Variants in CGNL1 observed in about 807,000 individuals in gnomAD.
The protein encoded by CGNL1 is cingulin like 1.
A neutral mutation model predicts 141.2 loss-of-function variants in CGNL1; 132 were observed. The observed-to-expected ratio is 0.93, with a 90% CI of 0.81 to 1.08. The LOEUF is 1.08. Ranked by LOEUF, CGNL1 falls within the 50% of genes least tolerant of loss-of-function variation. The probability of loss-of-function intolerance (pLI) is 0.00; values close to 1 mark genes in which losing one functional copy is unlikely to be tolerated. For missense variants in CGNL1, 1,870 were observed against 1,588.6 expected, an observed-to-expected ratio of 1.18 and a Z score of -3.01; for synonymous variants, 690 against 622.1, an observed-to-expected ratio of 1.11 and a Z score of -1.63.
chr15:57,417,825 C>G lies in CGNL1; in HGVS notation c.-15-20160C>G, dbSNP rs570938466. Among the ~76,000 whole-genome samples the G allele has an allele frequency of 3.9e-5, 6 of 152,236 alleles. 1 individual carries two copies. Among genetic ancestry groups the G allele is most frequent in the African/African-American group, 1.2e-4 (5 of 41,538 alleles). On this transcript the variant is annotated intron_variant, in intron 1 of 18. Transcript: ENST00000281282. The stretch of plus-strand genomic sequence containing the variant: ...CAAAAATCATCTAAATGTGAAAATA[C>G]AGCTGCTGTGAAGGAGAGGTGATGG...
At chr15:57,516,754 G>T (rs2030834023) in intron 8 of CGNL1, 26 bp from the exon 9 acceptor site, 2 of 1,610,580 alleles carry the variant, frequency 1.2e-6, no homozygotes, top group Non-Finnish European at 1.7e-6. Context: ...CAGTCTCCTT[G>T]TTCATTTGCT....
intron 10 of CGNL1, among the ~76,000 whole-genome samples, chr15:57,522,647 G>A (rs530272766): frequency 1.3e-5 from 2 of 152,256 alleles, no homozygotes; most frequent in African/African-American, 4.8e-5. Flanking sequence ...ATTTAAAGAA[G>A]CCACCATAAC....
rs532292377 is a variant in CGNL1, at chr15:57,490,824, G to A, written c.2404-25956G>A. Reference sequence around the variant, plus strand: ...TACGTCAGCCACGTGATCAATTTCAGCATCAATCACATTGATAGTATCTAC... The same window carrying A: ...TACGTCAGCCACGTGATCAATTTCAACATCAATCACATTGATAGTATCTAC... On this transcript the variant is annotated intron_variant, in intron 8 of 18. Transcript: ENST00000281282. Among the ~76,000 whole-genome samples, 43 of 152,242 alleles carry A rather than the reference G, an allele frequency of 2.8e-4. No individual in the cohort carries two copies. In the South Asian group the frequency reaches 4.8e-3, roughly 17 times the overall value.
chr15:57,439,904 A>C (rs2063163705), intron 2 of CGNL1, among the ~76,000 whole-genome samples: 1 of 152,204 alleles, frequency 6.6e-6, no homozygotes, highest in Non-Finnish European at 1.5e-5. Flanking sequence ...ATCTGAAAGT[A>C]TGCAGAATTT....
intron 1 of CGNL1, 117 bp from the exon 2 acceptor site, chr15:57,437,868 A>T: frequency 9.6e-7 from 1 of 1,036,662 alleles, no homozygotes; most frequent in Non-Finnish European, 1.4e-6. Context: ...TTTGCTGTTT[A>T]AAATGTCTTG....
At chr15:57,421,472 C>T (rs1424171922) in intron 1 of CGNL1, among the ~76,000 whole-genome samples, 7 of 152,000 alleles carry the variant, frequency 4.6e-5, no homozygotes, top group African/African-American at 1.4e-4. Context: ...GAGATCTGTT[C>T]AGGTAATGTT....
intron 14 of CGNL1, among the ~76,000 whole-genome samples, chr15:57,533,456 C>A (rs768500519): frequency 1.3e-5 from 2 of 152,188 alleles, no homozygotes; most frequent in African/African-American, 4.8e-5. Context: ...GACGTTCCCC[C>A]CAGACATGTC....
chr15:57,461,815 C>T lies in CGNL1; in HGVS notation c.2326C>T (p.Gln776Ter), dbSNP rs2063450693. 1.9e-6 allele frequency: 3 copies of T among 1,613,948 alleles called. No individual in the cohort carries two copies. The highest frequency in any genetic ancestry group is 2.5e-6 in the Non-Finnish European group (3 of 1,180,014). The part of the protein sequence containing the change: ...ALKEEVSSHD[Q>*]EMDKLKEQYD... ...GAAAGAAGAGGTTTCCAGCCATGAT[C>T]AGGAGATGGACAAGCTGAAGGAGCA... The change falls in exon 8 of 19, where the codon CAG (glutamine) becomes TAG (stop). Residue 776 changes from glutamine (Q) to a stop codon, truncating the protein, a stop_gained. Transcript: ENST00000281282. LOFTEE classifies it high-confidence loss of function.
At position 57,481,064 on chromosome 15, in the gene CGNL1, G is replaced by GTTTTTTTTTT. The variant is rs11298152; in HGVS notation, c.2403+19185_2403+19194dup. ...GCCAGTGATCCAGGAAAGACCTGGG[G>GTTTTTTTTTT]TTTTTTTTTTTTTTTTTTTTTTAAA... On this transcript the variant is annotated intron_variant, in intron 8 of 18. Transcript: ENST00000281282. Among the ~76,000 whole-genome samples, 70 of 116,072 alleles carry GTTTTTTTTTT rather than the reference G, an allele frequency of 6.0e-4. 1 individual carries two copies. Among genetic ancestry groups the GTTTTTTTTTT allele is most frequent in the East Asian group, 1.8e-3 (7 of 3,880 alleles). The allele number at this position is 116,072 out of a possible 152,430, so 76.1% of individuals were successfully genotyped here.
chr15:57,456,916 T>C (rs1423775486), intron 7 of CGNL1, among the ~76,000 whole-genome samples: 1 of 152,228 alleles, frequency 6.6e-6, no homozygotes, highest in Non-Finnish European at 1.5e-5. Flanking sequence ...TATAAAATTG[T>C]AGTGGTTTGA....
intron 14 of CGNL1, among the ~76,000 whole-genome samples, chr15:57,536,438 G>A (rs751399715): frequency 2.6e-5 from 4 of 152,214 alleles, no homozygotes; most frequent in Non-Finnish European, 5.9e-5. Flanking sequence ...CCTCTTGGAT[G>A]TTTGGACTTT....
intron 10 of CGNL1, among the ~76,000 whole-genome samples, chr15:57,522,186 C>T (rs1425458598): frequency 2.0e-5 from 3 of 152,150 alleles, no homozygotes; most frequent in African/African-American, 4.8e-5. Flanking sequence ...TTTTGTTAAC[C>T]TTGGTTCTCT....
chr15:57,516,454 G>T (rs777708284), intron 8 of CGNL1, among the ~76,000 whole-genome samples: 1 of 152,188 alleles, frequency 6.6e-6, no homozygotes, highest in Non-Finnish European at 1.5e-5. Context: ...TCTATGAAGA[G>T]CCAGAGAGTC....
chr15:57,514,076 C>T (rs956414586), intron 8 of CGNL1, among the ~76,000 whole-genome samples: 1 of 152,084 alleles, frequency 6.6e-6, no homozygotes, highest in African/African-American at 2.4e-5. Context: ...TTGCATTTCC[C>T]TAATGACTAA....
At position 57,439,520 on chromosome 15, in the gene CGNL1, G is replaced by T. The variant is rs140648360; in HGVS notation, c.1521G>T (p.Gln507His). ...VKTATATLML[Q>H]NRATATSPDS... ...CAGCCACCGCTACGCTGATGTTACA[G>T]AACCGGGCAACAGCAACTTCGCCTG... Residue 507 changes from glutamine to histidine, a missense_variant, in exon 2 of 19, where the codon CAG becomes CAT. Physicochemically the swap from Gln to His is conservative, Grantham distance 24. Coordinates refer to ENST00000281282, the MANE Select transcript of CGNL1 (RefSeq NM_032866.5). 74 of 1,614,208 alleles carry T rather than the reference G, an allele frequency of 4.6e-5. No homozygotes were observed. In the African/African-American group the frequency reaches 8.3e-4, roughly 18 times the overall value.
intron 1 of CGNL1, among the ~76,000 whole-genome samples, chr15:57,405,732 C>A (rs945820663): frequency 5.3e-3 from 38 of 7,118 alleles, no homozygotes; most frequent in Non-Finnish European, 9.2e-3. Flanking sequence ...AAGGTGTGGA[C>A]CTTTTCTTTC....
At chr15:57,388,869 T>A (rs2062512124) in intron 1 of CGNL1, among the ~76,000 whole-genome samples, 1 of 152,034 alleles carries the variant, frequency 6.6e-6, no homozygotes, top group African/African-American at 2.4e-5. Context: ...GATGTGGGAG[T>A]CTCCCATGAC....
rs1354682836 is a variant in CGNL1 at position 57,544,543 on chromosome 15, T to C, written c.3446T>C (p.Val1149Ala). Residue 1149 changes from valine to alanine, a missense_variant, in exon 16 of 19, where the codon GTG (valine) becomes GCG (alanine). Val to Ala is a moderately conservative substitution (Grantham distance 64). Transcript: ENST00000281282. ...SYRSSKEGLV[V>A]QMEARIAELE... is the part of the protein sequence containing the mutation. Reference sequence around the variant, plus strand: ...AGGTCCAGCAAAGAGGGGCTGGTTGTGCAGATGGAGGCCAGGATCGCGGAG... The same window carrying C: ...AGGTCCAGCAAAGAGGGGCTGGTTGCGCAGATGGAGGCCAGGATCGCGGAG... 1.9e-6 allele frequency: 3 copies of C among 1,611,226 alleles called. No homozygotes were observed. The Admixed American group carries it at 5.0e-5, about 27-fold the overall frequency.
chr15:57,485,910 G>A (rs1028795702), intron 8 of CGNL1, among the ~76,000 whole-genome samples: 1 of 152,146 alleles, frequency 6.6e-6, no homozygotes, highest in Non-Finnish European at 1.5e-5. Context: ...CTTTCTTCTG[G>A]TGCCCAGTCT....
Sources: allele counts gnomAD v4.1 joint callset (sites outside exome capture counted in the v4.1 genomes callset), GRCh38; gene constraint gnomAD v4.1.1; transcripts MANE v1.5; gene names NCBI Gene and HGNC (gene_info 2026-07-23, HGNC 2026-07-21).